Variants in DENND4C observed in about 807,000 individuals in gnomAD.
The protein encoded by DENND4C is DENN domain-containing protein 4C.
DENND4C carries 108 observed loss-of-function variants against 203.0 expected under a neutral mutation model. The ratio of observed to expected loss-of-function variants is 0.53; its 90% CI spans 0.46 to 0.62. The LOEUF (loss-of-function observed/expected upper bound fraction) is 0.62. DENND4C is among the 20% of genes least tolerant of loss of function. DENND4C has a pLI of 0.00. For synonymous variants in DENND4C, 871 were observed against 792.4 expected, an observed-to-expected ratio of 1.10 and a Z score of -1.67; for missense variants, 2,481 against 2,301.2, an observed-to-expected ratio of 1.08 and a Z score of -1.60.
chr9:19,322,242 C>G (rs938386752), intron 12 of DENND4C, among the ~76,000 whole-genome samples: 1 of 152,070 alleles, frequency 6.6e-6, no homozygotes, highest in Non-Finnish European at 1.5e-5. Context: ...AGTTGTGGAA[C>G]TTTTTTTCCC....
At chr9:19,310,641 ATT>A (rs912254922) in intron 10 of DENND4C, among the ~76,000 whole-genome samples, 1 of 152,102 alleles carries the variant, frequency 6.6e-6, no homozygotes, top group Non-Finnish European at 1.5e-5. Flanking sequence ...TGTCATTAAA[ATT>A]TTTTTTAAAT....
chr9:19,298,499 T>C (rs1296070713), intron 7 of DENND4C, among the ~76,000 whole-genome samples: 1 of 152,164 alleles, frequency 6.6e-6, no homozygotes, highest in African/African-American at 2.4e-5. Context: ...AGGTCTATAA[T>C]AGTACTGTGC....
intron 13 of DENND4C, among the ~76,000 whole-genome samples, chr9:19,325,398 G>A (rs551220939): frequency 8.9e-4 from 135 of 151,976 alleles, no homozygotes; most frequent in Non-Finnish European, 1.6e-3. Context: ...AATTGTTTAT[G>A]CAAACTGTAT....
At chr9:19,261,337 T>G (rs537155696) in intron 1 of DENND4C, among the ~76,000 whole-genome samples, 12 of 152,276 alleles carry the variant, frequency 7.9e-5, no homozygotes, top group African/African-American at 2.4e-4. Context: ...TTGACTATTC[T>G]GGGTCTTTTG....
rs1835663385 is a variant in DENND4C, at chr9:19,288,554, C to T, written c.559-42C>T. On this transcript the variant is annotated intron_variant, in intron 3 of 32. Transcript: ENST00000434457. ...GTATCCAACAAAATCAATTTCTTTTCACTCTTTTGTCTTTTTTATAAACCT... is the reference window on the plus strand; with the variant it reads ...GTATCCAACAAAATCAATTTCTTTTTACTCTTTTGTCTTTTTTATAAACCT... 3 of 1,161,784 alleles carry T rather than the reference C, an allele frequency of 2.6e-6. No individual in the cohort carries two copies. The South Asian group carries it at 1.3e-4, about 51-fold the overall frequency. 72.0% of individuals were successfully genotyped at this position (1,161,784 alleles called of 1,614,324 possible). A position where few individuals can be genotyped will look rare whatever the true frequency, so the allele number is the denominator to read the frequency against.
chr9:19,347,955 A>G (rs945483574), intron 23 of DENND4C, among the ~76,000 whole-genome samples: 1 of 152,212 alleles, frequency 6.6e-6, no homozygotes, highest in African/African-American at 2.4e-5. Context: ...TAAAAACAAA[A>G]GTGGGTAAGT....
chr9:19,237,238 T>C (rs1242889455), intron 1 of DENND4C, among the ~76,000 whole-genome samples: 1 of 151,792 alleles, frequency 6.6e-6, no homozygotes, highest in Non-Finnish European at 1.5e-5. Flanking sequence ...AGGCTGGTCT[T>C]GAACTCCTGA....
intron 1 of DENND4C, among the ~76,000 whole-genome samples, chr9:19,270,040 T>C (rs1448032276): frequency 6.6e-6 from 1 of 152,206 alleles, no homozygotes; most frequent in Non-Finnish European, 1.5e-5. Context: ...GCCTTAGTGG[T>C]CTTGGGTAAT....
At chr9:19,298,451 A>G (rs1183001985) in intron 7 of DENND4C, among the ~76,000 whole-genome samples, 1 of 152,212 alleles carries the variant, frequency 6.6e-6, no homozygotes, top group African/African-American at 2.4e-5. Flanking sequence ...AATATTGAAT[A>G]TAAAATGAGC....
intron 1 of DENND4C, among the ~76,000 whole-genome samples, chr9:19,252,739 A>G (rs1459757250): frequency 3.3e-5 from 4 of 121,024 alleles, no homozygotes; most frequent in African/African-American, 1.2e-4. Context: ...ACACACACAC[A>G]CATACTTTTT....
chr9:19,275,081 G>A (rs972715516), intron 1 of DENND4C, among the ~76,000 whole-genome samples: 10 of 151,800 alleles, frequency 6.6e-5, no homozygotes, highest in African/African-American at 2.2e-4. Flanking sequence ...AGGTTCAAGC[G>A]ATTCTCCTGC....
At chr9:19,282,715 C>CTCTCTTTT (rs758751945) in intron 2 of DENND4C, among the ~76,000 whole-genome samples, 6 of 86,638 alleles carry the variant, frequency 6.9e-5, no homozygotes, top group Non-Finnish European at 1.1e-4. Flanking sequence ...TTTCTTCTCT[C>CTCTCTTTT]TTTTTTTTTT....
Position 19,371,814 on chromosome 9 carries a change from G to T in DENND4C, c.5734G>T (p.Asp1912Tyr). 2 of 1,449,588 alleles carry T rather than the reference G, an allele frequency of 1.4e-6. No homozygotes were observed. Among genetic ancestry groups the T allele is most frequent in the South Asian group, 2.5e-5 (2 of 81,442 alleles). 89.8% of individuals were successfully genotyped at this position (1,449,588 alleles called of 1,614,324 possible). A position where few individuals can be genotyped will look rare whatever the true frequency, so the allele number is the denominator to read the frequency against. The stretch of plus-strand genomic sequence containing the variant: ...AGTGTCTCTAGGAAGAGAGAATATT[G>T]ATATTGGTAAGTTGGTTAATAAAAG... ...SLVSLGRENI[D>Y]IEAFDNEYGI... is the part of the protein sequence containing the mutation. Residue 1912 changes from aspartate to tyrosine, a missense_variant, in exon 32 of 33, where the codon GAT (aspartate) becomes TAT (tyrosine). Physicochemically the swap from Asp to Tyr is radical, Grantham distance 160 (BLOSUM62 -3). Transcript: ENST00000434457.
intron 22 of DENND4C, 80 bp from the exon 23 acceptor site, chr9:19,345,841 A>G (rs1476718221): frequency 7.8e-7 from 1 of 1,281,908 alleles, no homozygotes; most frequent in Non-Finnish European, 1.1e-6. Flanking sequence ...TCACATTCAT[A>G]ATCAGGAAAA....
chr9:19,340,571 C>G (rs935943926), intron 20 of DENND4C, among the ~76,000 whole-genome samples: 1 of 152,040 alleles, frequency 6.6e-6, no homozygotes, highest in African/African-American at 2.4e-5. Flanking sequence ...TTCATTGTAT[C>G]TTATTTCCCC....
At chr9:19,263,443 G>C (rs1037530048) in intron 1 of DENND4C, among the ~76,000 whole-genome samples, 1 of 151,860 alleles carries the variant, frequency 6.6e-6, no homozygotes, top group Non-Finnish European at 1.5e-5. Flanking sequence ...TGCAACCTCT[G>C]CCTCCTGGGT....
rs893881702 is a variant in DENND4C, at chr9:19,358,399, A to G, written c.5160+239A>G. Among the ~76,000 whole-genome samples, 2 of 152,134 alleles carry G rather than the reference A, an allele frequency of 1.3e-5. No homozygotes were observed. Among genetic ancestry groups the G allele is most frequent in the Non-Finnish European group, 2.9e-5 (2 of 68,016 alleles). On this transcript the variant is annotated intron_variant, in intron 28 of 32. Transcript: ENST00000434457. This position sits in a 1 kb window ranked among gnomAD's most constrained non-coding sequence, Gnocchi z 4.8. ...AGTTTATGGCATTCTTCTTTTATGT[A>G]TATTCTCATTCAGTTCTCTCTTTTT...
intron 2 of DENND4C, among the ~76,000 whole-genome samples, chr9:19,286,193 A>G (rs1835179693): frequency 6.6e-6 from 1 of 152,218 alleles, no homozygotes; most frequent in South Asian, 2.1e-4. Context: ...TTCATTTTTC[A>G]GTTTTCATTA....
At chr9:19,334,174 T>C (rs1009058285) in intron 17 of DENND4C, among the ~76,000 whole-genome samples, 2 of 152,222 alleles carry the variant, frequency 1.3e-5, no homozygotes, top group Non-Finnish European at 1.5e-5. Flanking sequence ...TCTCCCAAAG[T>C]AGCTGGGACT....
Sources: allele counts gnomAD v4.1 joint callset (sites outside exome capture counted in the v4.1 genomes callset), GRCh38; gene constraint gnomAD v4.1.1; non-coding constraint Gnocchi (gnomAD v3.1); transcripts MANE v1.5; gene names NCBI Gene and HGNC (gene_info 2026-07-23, HGNC 2026-07-21).